The following MAP2K2 variants were observed in gnomAD, a reference collection of about 807,000 sequenced individuals.
MAP2K2 encodes the protein mitogen-activated protein kinase kinase 2.
A neutral mutation model predicts 43.7 loss-of-function variants in MAP2K2; 24 were observed. The ratio of observed to expected loss-of-function variants is 0.55; its 90% CI spans 0.40 to 0.77. The LOEUF (loss-of-function observed/expected upper bound fraction) is 0.77, where lower values mean the gene tolerates loss of function less well. MAP2K2 is among the 30% of genes least tolerant of loss of function. MAP2K2 has a pLI of 0.00. For missense variants in MAP2K2, 470 were observed against 566.8 expected, an observed-to-expected ratio of 0.83 and a Z score of 1.73; for synonymous variants, 244 against 239.7, an observed-to-expected ratio of 1.02 and a Z score of -0.17.
chr19:4,114,862 G>A (rs542744051), intron 2 of MAP2K2, among the ~76,000 whole-genome samples: 130 of 152,268 alleles, frequency 8.5e-4, no homozygotes, highest in Admixed American at 1.4e-3. Flanking sequence ...CCTGTGAGGT[G>A]GAGGTTGCAG....
chr19:4,113,782 T>G (rs2041185435), intron 2 of MAP2K2, among the ~76,000 whole-genome samples: 2 of 149,748 alleles, frequency 1.3e-5, no homozygotes, highest in Admixed American at 6.7e-5. Flanking sequence ...GGATTCGGAG[T>G]AGGAAAAGAG....
Position 4,101,296 on chromosome 19 carries a change from G to A in MAP2K2, c.529-16C>T. On this transcript the variant is annotated splice_polypyrimidine_tract_variant and intron_variant, in intron 4 of 10. Coordinates refer to ENST00000262948, the MANE Select transcript of MAP2K2 (RefSeq NM_030662.4). The surrounding 1 kb of genome is among the most constrained non-coding windows in gnomAD (Gnocchi z 6.3). The stretch of plus-strand genomic sequence containing the variant: ...CCCGGAGAACCTGCAGGGGAGCGCG[G>A]AGGGAGTCACGGGACAAGGCCACCA... 1.3e-6 allele frequency: 2 copies of A among 1,572,126 alleles called. No individual in the cohort carries two copies. Among genetic ancestry groups the A allele is most frequent in the Non-Finnish European group, 1.7e-6 (2 of 1,159,166 alleles).
chr19:4,121,081 C>T (rs942990249), intron 1 of MAP2K2, among the ~76,000 whole-genome samples: 1 of 151,578 alleles, frequency 6.6e-6, no homozygotes, highest in Non-Finnish European at 1.5e-5. Context: ...CTGCCTCGGC[C>T]TGCAGAACGG....
chr19:4,110,615 ATCTGGTTCCGGATGGCCGGCTTGATCTC>A lies in MAP2K2; in HGVS notation c.316_343del (p.Glu106SerfsTer45), dbSNP rs764851492. ...GTGCAGGACCTGCAGCTCGCGGATG[ATCTGGTTCCGGATGGCCGGCTTGATCTC>A]AAGGTGGATCAGCTGCAAGGGGAGA... On this transcript the variant is annotated frameshift_variant, in exon 3 of 11. Transcript: ENST00000262948. LOFTEE classifies it high-confidence loss of function. 7 of 1,613,706 alleles carry A rather than the reference ATCTGGTTCCGGATGGCCGGCTTGATCTC, an allele frequency of 4.3e-6. No homozygotes were observed.
intron 9 of MAP2K2, chr19:4,095,135 G>A (rs898711188): frequency 2.3e-5 from 11 of 487,652 alleles, no homozygotes; most frequent in Admixed American, 6.8e-5. Context: ...CAGTGAGCTG[G>A]GGACACCGTC....
chr19:4,095,266 C>A, intron 9 of MAP2K2, 122 bp downstream of exon 9: 1 of 842,574 alleles, frequency 1.2e-6, no homozygotes, highest in Non-Finnish European at 1.9e-6. Context: ...TGGGCTGAGT[C>A]CTGCCTAACG....
chr19:4,099,133 C>A, intron 7 of MAP2K2, 68 bp downstream of exon 7: 1 of 1,391,990 alleles, frequency 7.2e-7, no homozygotes, highest in Admixed American at 2.0e-5. Flanking sequence ...CAGCTGCTGA[C>A]CCTGGCACAG....
At position 4,090,622 on chromosome 19, in the gene MAP2K2, G is replaced by T; in HGVS notation, c.1179C>A (p.Gly393=). The change falls in exon 11 of 11, where the codon GGC becomes GGA. Residue 393 remains glycine, a synonymous_variant. Transcript: ENST00000262948. Reference sequence around the variant, plus strand: ...GTCACACGGCGGTGCGCGTGGGTGTGCCGGGCTGGTTCAGCCGCAGGGTTT... The same window carrying T: ...GTCACACGGCGGTGCGCGTGGGTGTTCCGGGCTGGTTCAGCCGCAGGGTTT... ...LCKTLRLNQP[G]TPTRTAV 1 of 1,552,930 alleles carries T rather than the reference G, an allele frequency of 6.4e-7. No homozygotes were observed. The highest frequency in any genetic ancestry group is 8.7e-7 in the Non-Finnish European group (1 of 1,148,398).
At chr19:4,106,989 C>T (rs1279174554) in intron 3 of MAP2K2, among the ~76,000 whole-genome samples, 6 of 152,224 alleles carry the variant, frequency 3.9e-5, no homozygotes, top group Non-Finnish European at 8.8e-5. Context: ...CCATGAGGCC[C>T]CACTGTCCAC....
chr19:4,109,796 T>C (rs62132102), intron 3 of MAP2K2, among the ~76,000 whole-genome samples: 7,789 of 152,176 alleles, frequency 0.051, 232 homozygotes, highest in South Asian at 0.071. Context: ...CAGTTTTTAA[T>C]TGCATCTACC....
At chr19:4,094,027 C>T (rs1009863236) in intron 10 of MAP2K2, among the ~76,000 whole-genome samples, 3 of 152,028 alleles carry the variant, frequency 2.0e-5, no homozygotes, top group African/African-American at 4.8e-5. Flanking sequence ...AAGGGGACAC[C>T]GAAGTACGCA....
intron 8 of MAP2K2, 63 bp downstream of exon 8, chr19:4,097,205 TAAAAAAAAAAA>T: frequency 7.0e-6 from 4 of 570,542 alleles, no homozygotes; most frequent in East Asian, 4.1e-5. Context: ...AGACTCTGCC[TAAAAAAAAAAA>T]AAAAAAAAAA....
chr19:4,107,250 G>A (rs752407561), intron 3 of MAP2K2, among the ~76,000 whole-genome samples: 10 of 151,918 alleles, frequency 6.6e-5, no homozygotes, highest in East Asian at 1.9e-4. Flanking sequence ...CTTGCCGGGC[G>A]CGGTGGCTCA....
In MAP2K2 at chr19:4,098,949, G is replaced by A. The variant is rs1979013; in HGVS notation, c.919+252C>T. ...CCCAGGGGCTTGGTGGCAAAGCTGC[G>A]CTCCCAGATCCCTCCAGCTGGCAAC... On this transcript the variant is annotated intron_variant, in intron 7 of 10. Coordinates refer to ENST00000262948, the MANE Select transcript of MAP2K2 (RefSeq NM_030662.4). Among the ~76,000 whole-genome samples, 28,495 of 152,254 alleles carry A rather than the reference G, an allele frequency of 0.19. 3,173 individuals carry two copies. The highest frequency in any genetic ancestry group is 0.29 in the South Asian group (1,407 of 4,830).
In MAP2K2 at chr19:4,095,301, G is replaced by C. The variant is rs1405747644; in HGVS notation, c.1046+87C>G. On this transcript the variant is annotated intron_variant, in intron 9 of 10. Transcript: ENST00000262948. The stretch of plus-strand genomic sequence containing the variant: ...GCTGCACTGGGATTCTGGATGGGCA[G>C]GCTGGGCCACGGGCCCCACCCAGGA... 2.5e-6 allele frequency: 3 copies of C among 1,217,600 alleles called. No individual in the cohort carries two copies. The African/African-American group carries it at 4.5e-5, about 18-fold the overall frequency. The allele number at this position is 1,217,600 out of a possible 1,614,324, so 75.4% of individuals were successfully genotyped here. A position where few individuals can be genotyped will look rare whatever the true frequency, so the allele number is the denominator to read the frequency against.
intron 1 of MAP2K2, among the ~76,000 whole-genome samples, chr19:4,123,206 T>G (rs1409774911): frequency 6.6e-6 from 1 of 151,662 alleles, no homozygotes; most frequent in African/African-American, 2.4e-5. Flanking sequence ...ATCTCACTGC[T>G]TGGGGAGCCT....
intron 1 of MAP2K2, among the ~76,000 whole-genome samples, chr19:4,121,583 C>T (rs1407836080): frequency 6.1e-5 from 6 of 98,056 alleles, no homozygotes; most frequent in South Asian, 4.7e-4. Context: ...CATGACCCCC[C>T]GAGGACCCCC....
In MAP2K2 at chr19:4,095,806, G is replaced by A. The variant is rs184012986; in HGVS notation, c.985-357C>T. Among the ~76,000 whole-genome samples, 9 of 152,274 alleles carry A rather than the reference G, an allele frequency of 5.9e-5. No homozygotes were observed. The South Asian group carries it at 1.0e-3, about 18-fold the overall frequency. On this transcript the variant is annotated intron_variant, in intron 8 of 10. Coordinates refer to ENST00000262948, the MANE Select transcript of MAP2K2 (RefSeq NM_030662.4). ...AGTTATTTTGTTTTGAGACAGTCTC[G>A]CTCTGTTGCCCAGGCTGGAGTGCAA... is the stretch of plus-strand genomic sequence containing the variant.
chr19:4,104,159 G>A (rs560880017), intron 3 of MAP2K2, among the ~76,000 whole-genome samples: 50 of 151,746 alleles, frequency 3.3e-4, no homozygotes, highest in Non-Finnish European at 5.4e-4. Flanking sequence ...CAGCTACTCG[G>A]GAGGCTGAGG....
Sources: gnomAD v4.1 joint callset for allele counts (sites outside exome capture counted in the v4.1 genomes callset) on GRCh38, gnomAD v4.1.1 for gene constraint, Gnocchi (gnomAD v3.1) non-coding constraint, MANE v1.5 for transcripts, NCBI Gene and HGNC (gene_info 2026-07-23, HGNC 2026-07-21) for gene names.